FOXJ3: variants seen among roughly 807,000 people sequenced by gnomAD.
FOXJ3 encodes forkhead box protein J3.
FOXJ3 carries 22 observed loss-of-function variants against 76.1 expected under a neutral mutation model. That is an observed-to-expected ratio of 0.29 (90% CI 0.21 to 0.41). The LOEUF (loss-of-function observed/expected upper bound fraction) is 0.41, where lower values mean the gene tolerates loss of function less well. FOXJ3 is among the 10% of genes least tolerant of loss of function. The pLI is 1.00. For missense variants in FOXJ3, 613 were observed against 762.1 expected, an observed-to-expected ratio of 0.80 and a Z score of 2.30; for synonymous variants, 269 against 261.2, an observed-to-expected ratio of 1.03 and a Z score of -0.29.
intron 4 of FOXJ3, among the ~76,000 whole-genome samples, chr1:42,236,383 A>C (rs1648630212): frequency 6.6e-6 from 1 of 152,150 alleles, no homozygotes; most frequent in African/African-American, 2.4e-5. Context: ...TTTTGTAGAG[A>C]CAGGGTCTTG....
intron 4 of FOXJ3, among the ~76,000 whole-genome samples, chr1:42,251,012 C>A (rs943683062): frequency 1.3e-5 from 2 of 151,708 alleles, no homozygotes; most frequent in Non-Finnish European, 2.9e-5. Flanking sequence ...AAAGATGGGG[C>A]CAAAAGAATT....
chr1:42,264,239 T>C lies in FOXJ3; in HGVS notation c.444+876A>G, dbSNP rs1651301305. Among the ~76,000 whole-genome samples, 3 of 152,054 alleles carry C rather than the reference T, an allele frequency of 2.0e-5. No individual in the cohort carries two copies. The South Asian group carries it at 6.2e-4, about 32-fold the overall frequency. On this transcript the variant is annotated intron_variant, in intron 4 of 12. Coordinates refer to ENST00000361346, the MANE Select transcript of FOXJ3 (RefSeq NM_014947.5). Reference sequence around the variant, plus strand: ...AATAGCATGTTTGGAAAACTTCAAGTAGTTCTTCATGATGAGTCTTGAATG... The same window carrying C: ...AATAGCATGTTTGGAAAACTTCAAGCAGTTCTTCATGATGAGTCTTGAATG...
chr1:42,217,120 G>A (rs987241754), intron 5 of FOXJ3, among the ~76,000 whole-genome samples: 3 of 152,078 alleles, frequency 2.0e-5, no homozygotes, highest in Admixed American at 1.3e-4. Context: ...ATGACAAATC[G>A]CAAGAGGCAT....
At chr1:42,285,891 G>GCCCCATTCAGATCTAACCTTCAAA (rs1653021747) in intron 2 of FOXJ3, among the ~76,000 whole-genome samples, 1 of 152,104 alleles carries the variant, frequency 6.6e-6, no homozygotes, top group South Asian at 2.1e-4. Context: ...TGGATATGTA[G>GCCCCATTCAGATCTAACCTTCAAA]AGTGCATATA....
At chr1:42,318,907 T>C (rs1029062331) in intron 1 of FOXJ3, among the ~76,000 whole-genome samples, 3 of 152,146 alleles carry the variant, frequency 2.0e-5, no homozygotes, top group African/African-American at 7.2e-5. Flanking sequence ...CACAAGAATG[T>C]TCATAGCAGT....
At chr1:42,273,973 CTT>C (rs577140948) in intron 3 of FOXJ3, among the ~76,000 whole-genome samples, 20 of 152,144 alleles carry the variant, frequency 1.3e-4, no homozygotes, top group African/African-American at 4.6e-4. Context: ...AGTCTGGCAC[CTT>C]TTTTGCTTTC....
chr1:42,194,670 TA>T (rs1646616244), intron 8 of FOXJ3, among the ~76,000 whole-genome samples: 1 of 152,174 alleles, frequency 6.6e-6, no homozygotes, highest in Admixed American at 6.5e-5. Context: ...ATGCCACTAG[TA>T]AACAAGTAAG....
chr1:42,307,054 C>A (rs759676563), intron 2 of FOXJ3, among the ~76,000 whole-genome samples: 8 of 152,244 alleles, frequency 5.3e-5, no homozygotes, highest in Non-Finnish European at 1.0e-4. Context: ...CAAGAAGAGG[C>A]ACTAAAGATG....
intron 12 of FOXJ3, 50 bp downstream of exon 12, chr1:42,181,863 GCTCA>G (rs932334967): frequency 2.4e-5 from 26 of 1,092,848 alleles, no homozygotes; most frequent in Non-Finnish European, 3.1e-5. Flanking sequence ...TTCCTGGAGT[GCTCA>G]CACACACACA....
At chr1:42,235,134 T>G (rs904787649) in intron 4 of FOXJ3, among the ~76,000 whole-genome samples, 33 of 152,326 alleles carry the variant, frequency 2.2e-4, no homozygotes, top group African/African-American at 7.5e-4. Context: ...TGCTGCCGCC[T>G]TGCAGTTTGA....
At chr1:42,193,280 G>T (rs944853433) in intron 8 of FOXJ3, among the ~76,000 whole-genome samples, 1 of 151,888 alleles carries the variant, frequency 6.6e-6, no homozygotes, top group Non-Finnish European at 1.5e-5. Context: ...GAAAATCACT[G>T]ATCTAATCCA....
chr1:42,258,833 T>A (rs1378816028), intron 4 of FOXJ3, among the ~76,000 whole-genome samples: 3 of 152,156 alleles, frequency 2.0e-5, no homozygotes, highest in Non-Finnish European at 2.9e-5. Flanking sequence ...AGATAAAGTT[T>A]TACTATATCA....
intron 5 of FOXJ3, among the ~76,000 whole-genome samples, chr1:42,223,587 A>C (rs1647317513): frequency 6.6e-6 from 1 of 152,190 alleles, no homozygotes; most frequent in Non-Finnish European, 1.5e-5. Flanking sequence ...CACCAAAATT[A>C]CTAGTCTCAA....
intron 1 of FOXJ3, among the ~76,000 whole-genome samples, chr1:42,324,103 T>TATATATACACA (rs1553170579): frequency 2.3e-5 from 2 of 88,342 alleles, no homozygotes; most frequent in East Asian, 3.0e-4. Context: ...ATATATACTG[T>TATATATACACA]GTATATACAC....
intron 2 of FOXJ3, among the ~76,000 whole-genome samples, chr1:42,301,144 T>C (rs1228677514): frequency 6.6e-6 from 1 of 152,188 alleles, no homozygotes; most frequent in African/African-American, 2.4e-5. Context: ...AGAATATCTA[T>C]AACCTGTAAG....
intron 5 of FOXJ3, chr1:42,206,083 T>A (rs1221464042): frequency 2.1e-6 from 1 of 469,092 alleles, no homozygotes; most frequent in Non-Finnish European, 3.8e-6. Context: ...CAACTCTTAA[T>A]TTACTGCAGG....
intron 4 of FOXJ3, among the ~76,000 whole-genome samples, chr1:42,248,730 C>CTT (rs4019587): frequency 0.015 from 1,360 of 92,214 alleles, 49 homozygotes; most frequent in African/African-American, 0.039. Context: ...CCTGTTTTTT[C>CTT]TTTTTTTTTT....
chr1:42,221,593 C>G (rs943589223), intron 5 of FOXJ3, among the ~76,000 whole-genome samples: 5 of 151,842 alleles, frequency 3.3e-5, no homozygotes, highest in African/African-American at 1.2e-4. Context: ...GTAGCTGGGA[C>G]TAGAGGCAGG....
At chr1:42,306,972 T>G (rs548594869) in intron 2 of FOXJ3, among the ~76,000 whole-genome samples, 2 of 152,308 alleles carry the variant, frequency 1.3e-5, no homozygotes. Context: ...TATTCTGCTT[T>G]GTGGTGCTTG....
Sources: allele counts gnomAD v4.1 joint callset (sites outside exome capture counted in the v4.1 genomes callset), GRCh38; gene constraint gnomAD v4.1.1; transcripts MANE v1.5; gene names NCBI Gene and HGNC (gene_info 2026-07-23, HGNC 2026-07-21).